Variants in ANKS1B observed in about 807,000 individuals in gnomAD.
The protein encoded by ANKS1B is ankyrin repeat and sterile alpha motif domain-containing protein 1B.
Under a neutral mutation model 148.3 loss-of-function variants are expected in ANKS1B, and 36 were observed. The observed-to-expected ratio is 0.24, with a 90% CI of 0.19 to 0.32. The LOEUF is 0.32. Ranked by LOEUF, ANKS1B falls within the 10% of genes least tolerant of loss-of-function variation. The pLI is 1.00. For missense variants in ANKS1B, 1,157 were observed against 1,542.6 expected (o/e 0.75, Z 4.19); for synonymous variants, 542 against 560.8 (o/e 0.97, Z 0.47).
rs571667068 is a variant in ANKS1B, at chr12:99,270,454, T to C, written c.1757-23590A>G. Among the ~76,000 whole-genome samples the C allele has an allele frequency of 2.6e-5, 4 of 152,320 alleles. No individual in the cohort carries two copies. The South Asian group carries it at 8.3e-4, about 32-fold the overall frequency. On this transcript the variant is annotated intron_variant, in intron 12 of 26. Transcript: ENST00000683438. ...TCCTATTTTATTTACCTGAGGTTAC[T>C]TATATTTGTTTTCTTGCTTATTTTC...
Position 99,570,641 on chromosome 12 carries a change from G to A in ANKS1B, c.1273-66000C>T, listed in dbSNP as rs531845929. Among the ~76,000 whole-genome samples the A allele has an allele frequency of 9.7e-4, 129 of 132,730 alleles. 1 individual carries two copies. The highest frequency in any genetic ancestry group is 1.2e-3 in the Non-Finnish European group (77 of 62,824). The allele number at this position is 132,730 out of a possible 152,430, so 87.1% of individuals were successfully genotyped here. A position where few individuals can be genotyped will look rare whatever the true frequency, so the allele number is the denominator to read the frequency against. ...AGCCTGAGCGACGGAGCGAGACTTC[G>A]TCTCAAAAAAAAAAAAAAAGGCAGA... On this transcript the variant is annotated intron_variant, in intron 9 of 26. Coordinates refer to ENST00000683438, the MANE Select transcript of ANKS1B (RefSeq NM_001352186.2).
At chr12:99,717,484 A>G (rs1205820795) in intron 8 of ANKS1B, among the ~76,000 whole-genome samples, 3 of 152,218 alleles carry the variant, frequency 2.0e-5, no homozygotes, top group East Asian at 1.9e-4. Flanking sequence ...TCTGGCCACC[A>G]GGCCAAGGAA....
chr12:99,561,014 T>C lies in ANKS1B; in HGVS notation c.1273-56373A>G, dbSNP rs563513691. Among the ~76,000 whole-genome samples, 6 of 151,964 alleles carry C rather than the reference T, an allele frequency of 3.9e-5. No individual in the cohort carries two copies. The South Asian group carries it at 1.0e-3, about 26-fold the overall frequency. On this transcript the variant is annotated intron_variant, in intron 9 of 26. Transcript: ENST00000683438. Reference sequence around the variant, plus strand: ...GGCGCCTGCCACCATGCCCAGCTAATTTTTTGTATTTTTAGTAGAGACGGG... The same window carrying C: ...GGCGCCTGCCACCATGCCCAGCTAACTTTTTGTATTTTTAGTAGAGACGGG...
intron 17 of ANKS1B, among the ~76,000 whole-genome samples, chr12:98,921,401 T>C (rs1021519480): frequency 3.9e-5 from 6 of 152,212 alleles, no homozygotes; most frequent in African/African-American, 1.4e-4. Flanking sequence ...ATCTCAGATC[T>C]CATGCATGCA....
chr12:98,842,157 A>T (rs912734574), intron 17 of ANKS1B, among the ~76,000 whole-genome samples: 4 of 152,236 alleles, frequency 2.6e-5, no homozygotes, highest in Admixed American at 1.3e-4. Context: ...ATAGCTAAAA[A>T]TTAGCAATAA....
intron 10 of ANKS1B, among the ~76,000 whole-genome samples, chr12:99,495,380 T>TGTGTG (rs1555458167): frequency 6.7e-6 from 1 of 148,810 alleles, no homozygotes; most frequent in Non-Finnish European, 1.5e-5. Context: ...TGTGTGTGTG[T>TGTGTG]AGTTTATAAT....
chr12:99,911,217 G>T (rs2093995814), intron 1 of ANKS1B, among the ~76,000 whole-genome samples: 1 of 152,140 alleles, frequency 6.6e-6, no homozygotes, highest in Admixed American at 6.5e-5. Flanking sequence ...AAGGGCAATT[G>T]AGTCTCAGTG....
chr12:99,342,911 C>G (rs1227294244), intron 12 of ANKS1B, among the ~76,000 whole-genome samples: 1 of 151,664 alleles, frequency 6.6e-6, no homozygotes, highest in Non-Finnish European at 1.5e-5. Context: ...CCTAAAGCTC[C>G]TTCTCAAAAC....
intron 1 of ANKS1B, among the ~76,000 whole-genome samples, chr12:99,958,979 G>A (rs1236082925): frequency 6.6e-6 from 1 of 151,976 alleles, no homozygotes; most frequent in Admixed American, 6.6e-5. Flanking sequence ...TAGCGTGCAG[G>A]AGAGAGAAAT....
chr12:99,189,635 A>C (rs2080368414), intron 14 of ANKS1B, among the ~76,000 whole-genome samples: 1 of 152,326 alleles, frequency 6.6e-6, no homozygotes, highest in African/African-American at 2.4e-5. Context: ...CTTCAACAAA[A>C]TTCAACAGCC....
intron 9 of ANKS1B, among the ~76,000 whole-genome samples, chr12:99,570,230 C>T (rs745820879): frequency 2.6e-5 from 4 of 151,934 alleles, no homozygotes; most frequent in Non-Finnish European, 5.9e-5. Flanking sequence ...CAGCCTGCCA[C>T]ATTAGAAATG....
At chr12:99,288,604 G>T (rs1432336044) in intron 12 of ANKS1B, among the ~76,000 whole-genome samples, 1 of 151,868 alleles carries the variant, frequency 6.6e-6, no homozygotes, top group Non-Finnish European at 1.5e-5. Flanking sequence ...ATAATAATGG[G>T]GTGATAAAGT....
intron 9 of ANKS1B, among the ~76,000 whole-genome samples, chr12:99,616,170 G>A (rs745985725): frequency 1.3e-5 from 2 of 152,158 alleles, no homozygotes; most frequent in Non-Finnish European, 2.9e-5. Flanking sequence ...AACGTTCCAT[G>A]CTCATGGATA....
intron 10 of ANKS1B, among the ~76,000 whole-genome samples, chr12:99,496,355 T>C (rs1437851684): frequency 3.3e-5 from 5 of 152,224 alleles, no homozygotes; most frequent in South Asian, 2.1e-4. Context: ...CTTTTAAACA[T>C]AATATCCATC....
At chr12:99,317,256 G>A (rs2084303105) in intron 12 of ANKS1B, among the ~76,000 whole-genome samples, 1 of 152,158 alleles carries the variant, frequency 6.6e-6, no homozygotes, top group African/African-American at 2.4e-5. Flanking sequence ...AATTATCCTG[G>A]GCAGTATGGC....
intron 1 of ANKS1B, among the ~76,000 whole-genome samples, chr12:99,912,115 T>C (rs2094022363): frequency 6.6e-6 from 1 of 152,222 alleles, no homozygotes; most frequent in South Asian, 2.1e-4. Context: ...AAAACTTTTA[T>C]AAGGTGTCTG....
At chr12:99,844,692 T>C (rs2086340647) in intron 1 of ANKS1B, among the ~76,000 whole-genome samples, 1 of 152,216 alleles carries the variant, frequency 6.6e-6, no homozygotes, top group African/African-American at 2.4e-5. Context: ...TTTGTTCTTT[T>C]TGCTTAGGAT....
chr12:98,901,433 A>G (rs537601162), intron 17 of ANKS1B, among the ~76,000 whole-genome samples: 45 of 152,320 alleles, frequency 3.0e-4, no homozygotes, highest in African/African-American at 8.7e-4. Context: ...CATGGCCCAC[A>G]TGGCTAGGAT....
At chr12:99,893,266 C>T (rs1449801056) in intron 1 of ANKS1B, among the ~76,000 whole-genome samples, 1 of 151,990 alleles carries the variant, frequency 6.6e-6, no homozygotes, top group African/African-American at 2.4e-5. Flanking sequence ...AAAAAATTAG[C>T]CGGGTGTGGT....
Sources: gnomAD v4.1 joint callset for allele counts (sites outside exome capture counted in the v4.1 genomes callset) on GRCh38, gnomAD v4.1.1 for gene constraint, MANE v1.5 for transcripts, NCBI Gene and HGNC (gene_info 2026-07-23, HGNC 2026-07-21) for gene names.